The following TSHZ3 variants were observed in gnomAD, a reference collection of about 807,000 sequenced individuals.
TSHZ3 encodes teashirt zinc finger homeobox 3.
In TSHZ3, 10 loss-of-function variants were observed where a neutral mutation model predicts 64.5. The observed-to-expected ratio is 0.16, with a 90% CI of 0.10 to 0.26. The LOEUF (loss-of-function observed/expected upper bound fraction) is 0.26. Among genes scored for constraint, TSHZ3 ranks in the 10% least tolerant of loss-of-function variants. The pLI is 1.00. For missense variants in TSHZ3, 1,242 were observed against 1,421.7 expected, an observed-to-expected ratio of 0.87 and a Z score of 2.03; for synonymous variants, 608 against 593.1, an observed-to-expected ratio of 1.03 and a Z score of -0.36.
chr19:31,220,681 C>A (rs1975384938), intron 4 of TSHZ3, among the ~76,000 whole-genome samples: 1 of 152,104 alleles, frequency 6.6e-6, no homozygotes, highest in Admixed American at 6.6e-5. Flanking sequence ...GAAGGATGAT[C>A]ACAGGGTAGG....
chr19:31,158,206 T>C (rs898687005), intron 5 of TSHZ3, among the ~76,000 whole-genome samples: 2 of 152,146 alleles, frequency 1.3e-5, no homozygotes, highest in Non-Finnish European at 1.5e-5. Flanking sequence ...ACACTCGACA[T>C]GTGGCTGGGA....
chr19:31,328,229 G>A lies in TSHZ3; in HGVS notation c.40+20951C>T, dbSNP rs1325853155. ...AACCAAGGCACCTTTGCTGAAAAGC[G>A]AAGTGCTAGGCTCATGGAGCAGGGA... is the stretch of plus-strand genomic sequence containing the variant. On this transcript the variant is annotated intron_variant, in intron 1 of 1. Coordinates refer to ENST00000240587, the MANE Select transcript of TSHZ3 (RefSeq NM_020856.4). Among the ~76,000 whole-genome samples the A allele has an allele frequency of 3.9e-5, 6 of 152,244 alleles. No individual in the cohort carries two copies. In the East Asian group the frequency reaches 5.8e-4, roughly 15 times the overall value.
At chr19:31,299,089 G>A (rs1032319450) in intron 1 of TSHZ3, among the ~76,000 whole-genome samples, 2 of 152,172 alleles carry the variant, frequency 1.3e-5, no homozygotes, top group African/African-American at 4.8e-5. Context: ...CAGCTACTGG[G>A]GAGGCTAAGG....
In TSHZ3 at chr19:31,160,295, T is replaced by G. The variant is rs545936248; in HGVS notation, n.810-3878A>C. 9.7e-4 allele frequency among the ~76,000 whole-genome samples: 148 copies of G among 152,316 alleles called. 2 individuals are homozygous for G. The highest frequency in any genetic ancestry group is 4.2e-3 in the South Asian group (20 of 4,818). The stretch of plus-strand genomic sequence containing the variant: ...GCACGTGTTAGACATCAGTTTGCAC[T>G]GTAAGATGCATGAAGGGTGCTGTTC... On this transcript the variant is annotated intron_variant and non_coding_transcript_variant, in intron 5 of 6. Coordinates refer to the TSHZ3 transcript ENST00000651361.
chr19:31,347,847 C>T (rs948483092), intron 1 of TSHZ3, among the ~76,000 whole-genome samples: 3 of 152,146 alleles, frequency 2.0e-5, no homozygotes, highest in Admixed American at 6.5e-5. Context: ...GTCTGGAGTG[C>T]AGAGTGCAGC....
In TSHZ3 at chr19:31,222,800, T is replaced by TAA. The variant is rs1160272896; in HGVS notation, n.686+5204_686+5205insTT. 6.1e-4 allele frequency among the ~76,000 whole-genome samples: 93 copies of TAA among 152,324 alleles called. 2 individuals carry two copies. In the East Asian group the frequency reaches 0.017, roughly 28 times the overall value. On this transcript the variant is annotated intron_variant and non_coding_transcript_variant, in intron 4 of 6. Coordinates refer to the TSHZ3 transcript ENST00000651361. ...CCCTGGGAATCTCGTCTCTTGTCCT[T>TAA]CTCCATTTCTATTTTGCCATATAAA...
chr19:31,284,024 C>T (rs1174924411), intron 1 of TSHZ3, among the ~76,000 whole-genome samples: 2 of 152,190 alleles, frequency 1.3e-5, no homozygotes, highest in African/African-American at 2.4e-5. Flanking sequence ...CAATGCATCA[C>T]ATGTGACCTT....
chr19:31,169,090 C>G (rs913965484), intron 5 of TSHZ3, among the ~76,000 whole-genome samples: 26 of 151,050 alleles, frequency 1.7e-4, no homozygotes, highest in African/African-American at 6.1e-4. Flanking sequence ...ACCCAGTGGA[C>G]TTCATGTTAT....
exon 7 of TSHZ3, among the ~76,000 whole-genome samples, chr19:31,151,598 T>A (rs1199470571): frequency 6.6e-6 from 1 of 152,162 alleles, no homozygotes; most frequent in Non-Finnish European, 1.5e-5. Context: ...GAACAAAGGC[T>A]CAAGTCTGGA....
intron 3 of TSHZ3, among the ~76,000 whole-genome samples, chr19:31,232,832 T>C (rs1408871486): frequency 6.6e-6 from 1 of 152,248 alleles, no homozygotes; most frequent in African/African-American, 2.4e-5. Context: ...AATGCATTTG[T>C]TTCCTGTCCT....
intron 5 of TSHZ3, among the ~76,000 whole-genome samples, chr19:31,157,965 T>C (rs1182415000): frequency 6.6e-6 from 1 of 152,174 alleles, no homozygotes; most frequent in Non-Finnish European, 1.5e-5. Context: ...AATGAACAAC[T>C]TTGTCAACTG....
chr19:31,214,347 T>A (rs1416538880), intron 4 of TSHZ3, among the ~76,000 whole-genome samples: 1 of 152,232 alleles, frequency 6.6e-6, no homozygotes, highest in Non-Finnish European at 1.5e-5. Flanking sequence ...CCAGAGGGCC[T>A]GCGCCAGCCA....
chr19:31,277,938 C>T lies in TSHZ3; in HGVS notation c.1855G>A (p.Glu619Lys), dbSNP rs1247899043. 1 of 1,614,092 alleles carries T rather than the reference C, an allele frequency of 6.2e-7. No homozygotes were observed. Among genetic ancestry groups the T allele is most frequent in the Non-Finnish European group, 8.5e-7 (1 of 1,180,046 alleles). Reference sequence around the variant, plus strand: ...TTCTCCTCCACTTTGGCAACTTTCTCAGTGACCTTTTTCACCAGCTCCTCC... The same window carrying T: ...TTCTCCTCCACTTTGGCAACTTTCTTAGTGACCTTTTTCACCAGCTCCTCC... ...AMEELVKKVTEKVAKVEEKMK... is the reference protein window; with the variant it reads ...AMEELVKKVTKKVAKVEEKMK... Residue 619 changes from glutamate to lysine, a missense_variant, in exon 2 of 2, where the codon GAG (glutamate) becomes AAG (lysine). Physicochemically the swap from Glu to Lys is moderately conservative, Grantham distance 56. Around this residue, in one of 4 missense-constraint regions of TSHZ3, gnomAD observed 550 missense variants for 545.1 expected, o/e 1.01. Coordinates refer to ENST00000240587, the MANE Select transcript of TSHZ3 (RefSeq NM_020856.4). The surrounding 1 kb of genome is among the most constrained non-coding windows in gnomAD (Gnocchi z 4.5).
At chr19:31,332,087 A>T (rs1279779608) in intron 1 of TSHZ3, among the ~76,000 whole-genome samples, 1 of 152,174 alleles carries the variant, frequency 6.6e-6, no homozygotes, top group Non-Finnish European at 1.5e-5. Context: ...CACTGATGGG[A>T]GCAAAAGAAG....
Position 31,277,586 on chromosome 19 carries a change from G to T in TSHZ3, c.2207C>A (p.Ala736Asp). 1 of 1,594,792 alleles carries T rather than the reference G, an allele frequency of 6.3e-7. No homozygotes were observed. Among genetic ancestry groups the T allele is most frequent in the Non-Finnish European group, 8.5e-7 (1 of 1,170,162 alleles). Residue 736 changes from alanine (A) to aspartate (D), a missense_variant, in exon 2 of 2, where the codon GCC becomes GAC. By Grantham distance (126) the Ala-to-Asp change is moderately radical (BLOSUM62 -2). Around this residue, in one of 4 missense-constraint regions of TSHZ3, gnomAD observed 550 missense variants for 545.1 expected, o/e 1.01. Coordinates refer to ENST00000240587, the MANE Select transcript of TSHZ3 (RefSeq NM_020856.4). This position sits in a 1 kb window ranked among gnomAD's most constrained non-coding sequence, Gnocchi z 4.5. The stretch of plus-strand genomic sequence containing the variant: ...CAGGGCAGGCAGGGAGGGCTTGGCG[G>T]CCTTGCCCAGGTGAATGTTCATGAC... ...QSVMNIHLGK[A>D]AKPSLPALDP...
chr19:31,294,629 C>A (rs944242168), intron 1 of TSHZ3, among the ~76,000 whole-genome samples: 1 of 152,178 alleles, frequency 6.6e-6, no homozygotes, highest in African/African-American at 2.4e-5. Flanking sequence ...CATATACATG[C>A]CTACAGATTT....
chr19:31,223,530 A>G (rs768863603), intron 4 of TSHZ3, among the ~76,000 whole-genome samples: 9 of 152,266 alleles, frequency 5.9e-5, no homozygotes, highest in Non-Finnish European at 7.4e-5. Flanking sequence ...ACTCCAGTAC[A>G]AGTGTTCAAG....
intron 1 of TSHZ3, among the ~76,000 whole-genome samples, chr19:31,315,941 T>G (rs1007085207): frequency 6.6e-6 from 1 of 152,104 alleles, no homozygotes; most frequent in Non-Finnish European, 1.5e-5. Flanking sequence ...ATCGACCATT[T>G]TTTTTTCCCA....
In TSHZ3 at chr19:31,279,954, C is replaced by CAA. The variant is rs34501594; in HGVS notation, c.41-204_41-203dup. Among the ~76,000 whole-genome samples the CAA allele has an allele frequency of 0.059, 8,571 of 145,528 alleles. 303 individuals carry two copies. The highest frequency in any genetic ancestry group is 0.099 in the South Asian group (456 of 4,606). On this transcript the variant is annotated intron_variant, in intron 1 of 1. Transcript: ENST00000240587. The surrounding 1 kb of genome is among the most constrained non-coding windows in gnomAD (Gnocchi z 6.4). Reference sequence around the variant, plus strand: ...GTTAAAATGTGGTGTTTCTTTGGAGCAAAAAAAAAAAAAAATCTGCTCTTC... The same window carrying CAA: ...GTTAAAATGTGGTGTTTCTTTGGAGCAAAAAAAAAAAAAAAAATCTGCTCTTC...
Sources: gnomAD v4.1 joint callset for allele counts (sites outside exome capture counted in the v4.1 genomes callset) on GRCh38, gnomAD v4.1.1 for gene constraint, gnomAD v4.1.1 regional missense constraint, Gnocchi (gnomAD v3.1) non-coding constraint, MANE v1.5 for transcripts, NCBI Gene and HGNC (gene_info 2026-07-23, HGNC 2026-07-21) for gene names.